The following SDC2 variants were observed in gnomAD, a reference collection of about 807,000 sequenced individuals.
The protein encoded by SDC2 is syndecan 2.
A neutral mutation model predicts 22.2 loss-of-function variants in SDC2; 13 were observed. That is an observed-to-expected ratio of 0.59 (90% CI 0.38 to 0.93). The LOEUF (loss-of-function observed/expected upper bound fraction) is 0.93, where lower values mean the gene tolerates loss of function less well. SDC2 is among the 40% of genes least tolerant of loss of function. The probability of loss-of-function intolerance (pLI) is 0.00; values close to 1 mark genes in which losing one functional copy is unlikely to be tolerated. For missense variants in SDC2, 235 were observed against 246.8 expected, an observed-to-expected ratio of 0.95 and a Z score of 0.32; for synonymous variants, 94 against 92.8, an observed-to-expected ratio of 1.01 and a Z score of -0.07.
At chr8:96,571,492 AC>A (rs1240293271) in intron 1 of SDC2, among the ~76,000 whole-genome samples, 1 of 152,192 alleles carries the variant, frequency 6.6e-6, no homozygotes, top group Non-Finnish European at 1.5e-5. Flanking sequence ...TACAGATTAA[AC>A]CATGCGAAAT....
intron 1 of SDC2, among the ~76,000 whole-genome samples, chr8:96,526,028 G>A (rs1321248948): frequency 6.6e-6 from 1 of 152,114 alleles, no homozygotes; most frequent in African/African-American, 2.4e-5. Flanking sequence ...TCAAAGCTAA[G>A]CATACGGCTT....
At chr8:96,542,654 C>A (rs1357030382) in intron 1 of SDC2, among the ~76,000 whole-genome samples, 1 of 151,566 alleles carries the variant, frequency 6.6e-6, no homozygotes, top group Non-Finnish European at 1.5e-5. Context: ...GCAGCTTCCC[C>A]CCGAGAAGAC....
intron 1 of SDC2, among the ~76,000 whole-genome samples, chr8:96,534,095 C>T (rs765113374): frequency 1.1e-4 from 17 of 152,218 alleles, no homozygotes; most frequent in East Asian, 5.8e-4. Flanking sequence ...GCCCACTGGC[C>T]GCTCAGAGTG....
chr8:96,603,009 T>C (rs1222943248), intron 3 of SDC2, among the ~76,000 whole-genome samples: 1 of 152,184 alleles, frequency 6.6e-6, no homozygotes, highest in East Asian at 1.9e-4. Flanking sequence ...CCTCTCTCGA[T>C]GATGATGAAC....
chr8:96,570,680 A>G (rs1417191611), intron 1 of SDC2, among the ~76,000 whole-genome samples: 1 of 152,252 alleles, frequency 6.6e-6, no homozygotes, highest in African/African-American at 2.4e-5. Context: ...CTAAGGGTGA[A>G]GTACACACTG....
chr8:96,506,040 A>G (rs906876347), intron 1 of SDC2, among the ~76,000 whole-genome samples: 1 of 152,232 alleles, frequency 6.6e-6, no homozygotes, highest in Admixed American at 6.5e-5. Flanking sequence ...AATGGAGAAT[A>G]AGAAGAACCC....
intron 1 of SDC2, among the ~76,000 whole-genome samples, chr8:96,553,232 AT>A (rs1814054639): frequency 1.3e-5 from 2 of 152,284 alleles, no homozygotes; most frequent in South Asian, 4.1e-4. Flanking sequence ...GTTGATATTA[AT>A]TTTAGAAAAG....
At chr8:96,553,703 CTTT>C (rs1814063562) in intron 1 of SDC2, among the ~76,000 whole-genome samples, 1 of 152,034 alleles carries the variant, frequency 6.6e-6, no homozygotes, top group African/African-American at 2.4e-5. Flanking sequence ...TGCTTTATTA[CTTT>C]GCTTCAGAAT....
intron 1 of SDC2, among the ~76,000 whole-genome samples, chr8:96,565,364 C>T (rs1308420613): frequency 2.6e-5 from 4 of 151,852 alleles, no homozygotes; most frequent in Non-Finnish European, 2.9e-5. Context: ...AGATTACAGG[C>T]GTGAGCCACC....
At chr8:96,496,970 T>TA (rs1446008977) in intron 1 of SDC2, among the ~76,000 whole-genome samples, 1 of 152,234 alleles carries the variant, frequency 6.6e-6, no homozygotes, top group Non-Finnish European at 1.5e-5. Flanking sequence ...GCAGTAGTGA[T>TA]ATGCTGCTGG....
rs1400097237 is a variant in SDC2 at position 96,534,497 on chromosome 8, C to T, written c.60+40166C>T. ...TTGCCTAGGCTGGAGTACAGTGATG[C>T]GATGATAACTCACTGTAACTTCAAA... On this transcript the variant is annotated intron_variant, in intron 1 of 4. Coordinates refer to ENST00000302190, the MANE Select transcript of SDC2 (RefSeq NM_002998.4). 9.2e-5 allele frequency among the ~76,000 whole-genome samples: 14 copies of T among 152,250 alleles called. 1 individual carries two copies. Among genetic ancestry groups the T allele is most frequent in the African/African-American group, 2.6e-4 (11 of 41,548 alleles).
intron 1 of SDC2, among the ~76,000 whole-genome samples, chr8:96,579,912 A>G (rs923763092): frequency 6.6e-6 from 1 of 152,206 alleles, no homozygotes; most frequent in African/African-American, 2.4e-5. Context: ...ATAGTTTCTT[A>G]GCATGGGATT....
intron 1 of SDC2, among the ~76,000 whole-genome samples, chr8:96,537,026 T>C (rs1156971972): frequency 6.6e-6 from 1 of 152,216 alleles, no homozygotes; most frequent in Non-Finnish European, 1.5e-5. Flanking sequence ...TTTATCTATA[T>C]TATAAAATGA....
intron 1 of SDC2, among the ~76,000 whole-genome samples, chr8:96,532,447 GTTT>G (rs779533324): frequency 8.1e-5 from 3 of 37,066 alleles, no homozygotes; most frequent in Non-Finnish European, 1.8e-4. Context: ...GTAGGGCTTT[GTTT>G]GGGAAAAAAA....
intron 1 of SDC2, chr8:96,529,204 A>G (rs768765961): frequency 7.9e-5 from 12 of 152,240 alleles, no homozygotes; most frequent in Admixed American, 1.3e-4. Flanking sequence ...GGTGAGAGCT[A>G]CATGGAAGAG....
At position 96,524,122 on chromosome 8, in the gene SDC2, T is replaced by TCA. The variant is rs532225424; in HGVS notation, c.60+29792_60+29793dup. Among the ~76,000 whole-genome samples, 11 of 152,326 alleles carry TCA rather than the reference T, an allele frequency of 7.2e-5. No individual in the cohort carries two copies. The South Asian group carries it at 2.1e-3, about 29-fold the overall frequency. On this transcript the variant is annotated intron_variant, in intron 1 of 4. Coordinates refer to ENST00000302190, the MANE Select transcript of SDC2 (RefSeq NM_002998.4). ...GCGTTGGGAAACTATGTGTGGAATG[T>TCA]CATAGTTCATATACCAGAGACCCCG...
At chr8:96,539,693 C>T (rs2582832) in intron 1 of SDC2, among the ~76,000 whole-genome samples, 87,149 of 151,984 alleles carry the variant, frequency 0.57, 26,616 homozygotes, top group Non-Finnish European at 0.7. Flanking sequence ...AGCAATATGA[C>T]GTGAATTTAA....
intron 1 of SDC2, among the ~76,000 whole-genome samples, chr8:96,558,025 A>G (rs537865057): frequency 6.6e-6 from 1 of 152,248 alleles, no homozygotes; most frequent in African/African-American, 2.4e-5. Context: ...AATAAAGCCC[A>G]TAATTGGTAC....
At chr8:96,539,062 G>A (rs1282129520) in intron 1 of SDC2, among the ~76,000 whole-genome samples, 1 of 152,204 alleles carries the variant, frequency 6.6e-6, no homozygotes, top group African/African-American at 2.4e-5. Context: ...AAGAAAGTAA[G>A]CAACATATAA....
Sources: allele counts gnomAD v4.1 joint callset (sites outside exome capture counted in the v4.1 genomes callset), GRCh38; gene constraint gnomAD v4.1.1; transcripts MANE v1.5; gene names NCBI Gene and HGNC (gene_info 2026-07-23, HGNC 2026-07-21).